DTNB: variants seen among roughly 807,000 people sequenced by gnomAD.
DTNB encodes the protein DTN-B.
In DTNB, 63 loss-of-function variants were observed where a neutral mutation model predicts 90.7. The ratio of observed to expected loss-of-function variants is 0.69; its 90% CI spans 0.57 to 0.86. The LOEUF (loss-of-function observed/expected upper bound fraction) is 0.86. Among genes scored for constraint, DTNB ranks in the 40% least tolerant of loss-of-function variants. DTNB has a pLI of 0.00. For missense variants in DTNB, 744 were observed against 807.1 expected (o/e 0.92, Z 0.95); for synonymous variants, 277 against 286.7 (o/e 0.97, Z 0.34).
intron 8 of DTNB, among the ~76,000 whole-genome samples, chr2:25,571,308 T>C (rs2059831095): frequency 6.6e-6 from 1 of 152,236 alleles, no homozygotes; most frequent in South Asian, 2.1e-4. Context: ...ACTCTTTACA[T>C]GGCATCTAGA....
intron 4 of DTNB, among the ~76,000 whole-genome samples, chr2:25,623,461 G>A (rs957230235): frequency 1.2e-4 from 18 of 152,286 alleles, no homozygotes; most frequent in African/African-American, 4.1e-4. Context: ...GGCAGGACAC[G>A]TGGTCCTGCT....
chr2:25,428,519 C>G (rs770980756), intron 14 of DTNB, among the ~76,000 whole-genome samples: 1 of 151,794 alleles, frequency 6.6e-6, no homozygotes, highest in South Asian at 2.1e-4. Flanking sequence ...CTGCAACCTC[C>G]GCTTCCCCAG....
intron 9 of DTNB, among the ~76,000 whole-genome samples, chr2:25,503,192 C>T (rs758972229): frequency 1.3e-5 from 2 of 149,428 alleles, no homozygotes; most frequent in Admixed American, 6.8e-5. Flanking sequence ...AGAGTCCACA[C>T]AAAGGAAGCT....
chr2:25,628,629 T>G (rs529942862), intron 3 of DTNB, among the ~76,000 whole-genome samples: 22 of 152,236 alleles, frequency 1.4e-4, no homozygotes, highest in Non-Finnish European at 2.8e-4. Context: ...ATTTCACGTC[T>G]CTGCAAATAG....
chr2:25,661,229 G>A (rs2083113395), intron 1 of DTNB, among the ~76,000 whole-genome samples: 1 of 152,088 alleles, frequency 6.6e-6, no homozygotes, highest in Non-Finnish European at 1.5e-5. Context: ...TTAAATCTAA[G>A]TATCAAAACT....
At chr2:25,508,600 T>C (rs1175607013) in intron 9 of DTNB, among the ~76,000 whole-genome samples, 1 of 150,322 alleles carries the variant, frequency 6.7e-6, no homozygotes, top group African/African-American at 2.5e-5. Flanking sequence ...AACGTCATGA[T>C]CTTGGCTCAC....
intron 1 of DTNB, among the ~76,000 whole-genome samples, chr2:25,658,266 A>G (rs1010224921): frequency 1.3e-5 from 2 of 151,914 alleles, no homozygotes; most frequent in Admixed American, 6.6e-5. Context: ...CAAAAAAAAA[A>G]AAAAAGAAAA....
At chr2:25,656,686 C>G (rs2148973284) in intron 1 of DTNB, among the ~76,000 whole-genome samples, 1 of 152,316 alleles carries the variant, frequency 6.6e-6, no homozygotes, top group South Asian at 2.1e-4. Context: ...ACTCTCCACC[C>G]CTGTCTTCCT....
chr2:25,384,388 C>G (rs576048649), intron 18 of DTNB, among the ~76,000 whole-genome samples: 2 of 152,124 alleles, frequency 1.3e-5, no homozygotes, highest in African/African-American at 4.8e-5. Flanking sequence ...GTGCTAATGC[C>G]GTCTAAGGTG....
Position 25,387,257 on chromosome 2 carries a change from C to T in DTNB, c.1825+32G>A. 1 of 1,596,066 alleles carries T rather than the reference C, an allele frequency of 6.3e-7. No individual in the cohort carries two copies. The highest frequency in any genetic ancestry group is 8.6e-7 in the Non-Finnish European group (1 of 1,167,958). ...AAGGGCGCGGGCAAGGCAGGGGAGG[C>T]CAGGAAGCTGGCTGGGAGCTCTGGG... On this transcript the variant is annotated intron_variant, in intron 18 of 20. Transcript: ENST00000406818. The surrounding 1 kb of genome is among the most constrained non-coding windows in gnomAD (Gnocchi z 4.5).
At chr2:25,588,581 TCTCGATCTCTTGA>T (rs749994110) in intron 6 of DTNB, among the ~76,000 whole-genome samples, 83 of 152,296 alleles carry the variant, frequency 5.4e-4, no homozygotes, top group Non-Finnish European at 8.4e-4. Context: ...GCCAGGATAG[TCTCGATCTCTTGA>T]CTCCATAATC....
At chr2:25,640,570 T>C (rs2078039743) in intron 2 of DTNB, among the ~76,000 whole-genome samples, 1 of 152,162 alleles carries the variant, frequency 6.6e-6, no homozygotes, top group East Asian at 1.9e-4. Flanking sequence ...TCTCTCTGTA[T>C]TATACAGTCC....
chr2:25,436,799 A>T (rs922167088), intron 12 of DTNB, among the ~76,000 whole-genome samples: 1 of 152,174 alleles, frequency 6.6e-6, no homozygotes, highest in African/African-American at 2.4e-5. Flanking sequence ...ACAGGTTTGC[A>T]ATTCCTGAAA....
At chr2:25,386,669 G>A (rs2039554894) in intron 18 of DTNB, among the ~76,000 whole-genome samples, 2 of 152,134 alleles carry the variant, frequency 1.3e-5, no homozygotes, top group Non-Finnish European at 2.9e-5. Flanking sequence ...GAAATGCCAC[G>A]AGGTAAAGGT....
At position 25,639,238 on chromosome 2, in the gene DTNB, A is replaced by G. The variant is rs1379492824; in HGVS notation, c.68-144T>C. ...ACGGTGGGTCAATTAAAACAACAAC[A>G]GAGGGAGAAAAGGATAGGAAACACG... On this transcript the variant is annotated intron_variant, in intron 2 of 20. Transcript: ENST00000406818. The G allele has an allele frequency of 6.1e-6, 4 of 657,264 alleles. No individual in the cohort carries two copies. In the East Asian group the frequency reaches 1.2e-4, roughly 19 times the overall value. 40.7% of individuals were successfully genotyped at this position (657,264 alleles called of 1,614,324 possible).
Position 25,605,206 on chromosome 2 carries a change from A to C in DTNB, c.448+2030T>G, listed in dbSNP as rs72797660. On this transcript the variant is annotated intron_variant, in intron 5 of 20. Coordinates refer to ENST00000406818, the MANE Select transcript of DTNB (RefSeq NM_021907.5). ...ACCTACAACTAGCAGAGAAACTATAATTTTTAGCAAGGAAAAGATAAACCA... is the reference window on the plus strand; with the variant it reads ...ACCTACAACTAGCAGAGAAACTATACTTTTTAGCAAGGAAAAGATAAACCA... Among the ~76,000 whole-genome samples the C allele has an allele frequency of 9.6e-4, 147 of 152,376 alleles. 1 individual carries two copies. Among genetic ancestry groups the C allele is most frequent in the Non-Finnish European group, 1.7e-3 (119 of 68,044 alleles).
chr2:25,607,209 T>G (rs1302418671), intron 5 of DTNB, 27 bp downstream of exon 5: 2 of 1,557,802 alleles, frequency 1.3e-6, no homozygotes, highest in African/African-American at 2.7e-5. Context: ...GAAAATGGCA[T>G]TTTTCAAATA....
chr2:25,455,161 A>C (rs2059819388), intron 11 of DTNB, among the ~76,000 whole-genome samples: 2 of 152,206 alleles, frequency 1.3e-5, no homozygotes, highest in East Asian at 1.9e-4. Context: ...AGCTGAAGGA[A>C]GTGAACCCCA....
At chr2:25,388,394 C>A in intron 16 of DTNB, 33 bp from the exon 17 acceptor site, 1 of 1,576,320 alleles carries the variant, frequency 6.3e-7, no homozygotes, top group South Asian at 1.2e-5. Flanking sequence ...TACGTTATCT[C>A]AAGTACCTGA....
Sources: gnomAD v4.1 joint callset for allele counts (sites outside exome capture counted in the v4.1 genomes callset) on GRCh38, gnomAD v4.1.1 for gene constraint, Gnocchi (gnomAD v3.1) non-coding constraint, MANE v1.5 for transcripts, NCBI Gene and HGNC (gene_info 2026-07-23, HGNC 2026-07-21) for gene names.